GIGYF1: variants seen among roughly 807,000 people sequenced by gnomAD.
GIGYF1 encodes the protein GRB10-interacting GYF protein 1.
In GIGYF1, 84 loss-of-function variants were observed where a neutral mutation model predicts 147.1. That is an observed-to-expected ratio of 0.57 (90% confidence interval 0.48 to 0.68). The LOEUF (loss-of-function observed/expected upper bound fraction) is 0.68, where lower values mean the gene tolerates loss of function less well. GIGYF1 is among the 30% of genes least tolerant of loss of function. GIGYF1 has a pLI of 0.00. For missense variants in GIGYF1, 1,485 were observed against 1,393.7 expected (o/e 1.07, Z -1.04); for synonymous variants, 752 against 589.5 (o/e 1.28, Z -3.99).
At position 100,686,048 on chromosome 7, in the gene GIGYF1, T is replaced by C. The variant is rs1459464298; in HGVS notation, c.980A>G (p.Gln327Arg). 1 of 1,611,226 alleles carries C rather than the reference T, an allele frequency of 6.2e-7. No individual in the cohort carries two copies. The highest frequency in any genetic ancestry group is 8.5e-7 in the Non-Finnish European group (1 of 1,179,514). The change falls in exon 12 of 27, where the codon CAG becomes CGG. Residue 327 changes from glutamine (Q) to arginine (R), a missense_variant. Physicochemically the swap from Gln to Arg is conservative, Grantham distance 43. Coordinates refer to ENST00000678049, the MANE Select transcript of GIGYF1 (RefSeq NM_001375765.1). ...CTCCAACCCTTGGAAGTCCAGCTCC[T>C]GCTCCTCAGGAATGGGCTCCTTGGG... ...KGPKEPIPEE[Q>R]ELDFQGLEEE...
Position 100,683,238 on chromosome 7 carries a change from G to T in GIGYF1, c.2194-8C>A. On this transcript the variant is annotated splice_region_variant and splice_polypyrimidine_tract_variant and intron_variant, in intron 21 of 26. Coordinates refer to ENST00000678049, the MANE Select transcript of GIGYF1 (RefSeq NM_001375765.1). ...TAGCTCCTGCTGCCGCACCTAAGAG[G>T]GGGACATGGTGAGGGGACCTGGCGA... The T allele has an allele frequency of 6.2e-7, 1 of 1,612,724 alleles. No homozygotes were observed.
Position 100,683,102 on chromosome 7 carries a change from G to A in GIGYF1, c.2322C>T (p.Leu774=). The A allele has an allele frequency of 1.3e-6, 2 of 1,591,790 alleles. No individual in the cohort carries two copies. The highest frequency in any genetic ancestry group is 1.3e-5 in the African/African-American group (1 of 74,846). Residue 774 remains leucine (L), a synonymous_variant, in exon 22 of 27, where the codon CTC becomes CTT. Transcript: ENST00000678049. ...GCTCGCCCTCCAGCTGCAACTCCAG[G>A]AGCGTCTTCATGGACAGCCCCTGCT... ...LAKQGLSMKT[L]LELQLEGERQ...
intron 6 of GIGYF1, 52 bp downstream of exon 6, chr7:100,687,736 C>T (rs955260842): frequency 4.4e-6 from 7 of 1,585,726 alleles, no homozygotes; most frequent in Non-Finnish European, 6.0e-6. Flanking sequence ...TAACCCAACC[C>T]ATGGCCTCCC....
In GIGYF1 at chr7:100,686,999, CTCG is replaced by C; in HGVS notation, c.523+4_523+6del. 6.2e-7 allele frequency: 1 copy of C among 1,614,002 alleles called. No homozygotes were observed. Reference sequence around the variant, plus strand: ...CGCCCCGGCCGCCGCCCTCAGCAGCCTCGTACCTCCATCCCGCCTTGCTGACTT... The same window carrying C: ...CGCCCCGGCCGCCGCCCTCAGCAGCCTACCTCCATCCCGCCTTGCTGACTT... On this transcript the variant is annotated splice_donor_5th_base_variant and intron_variant, in intron 9 of 26. Transcript: ENST00000678049.
rs768108488 is a variant in GIGYF1, at chr7:100,685,325, G to C, written c.1192+19C>G. ...ACAGCCCCAGCGCACCCGGGAGGTA[G>C]GCCATCCTCCCTTCCTACCTTCGGC... On this transcript the variant is annotated intron_variant, in intron 13 of 26. Transcript: ENST00000678049. 2.5e-6 allele frequency: 4 copies of C among 1,579,118 alleles called. No homozygotes were observed. The South Asian group carries it at 4.6e-5, about 18-fold the overall frequency.
chr7:100,688,006 A>G lies in GIGYF1; in HGVS notation c.140T>C (p.Leu47Pro). The G allele has an allele frequency of 6.2e-7, 1 of 1,613,228 alleles. No homozygotes were observed. The highest frequency in any genetic ancestry group is 8.5e-7 in the Non-Finnish European group (1 of 1,179,432). ...ADYRYGREEM[L>P]ALYVKENKVP... The stretch of plus-strand genomic sequence containing the variant: ...CTTGTTCTCCTTGACGTAGAGAGCC[A>G]GCATTTCCTCTCGCCCATAACGGTA... The change falls in exon 5 of 27, where the codon CTG (leucine) becomes CCG (proline). Residue 47 changes from leucine to proline, a missense_variant. Coordinates refer to ENST00000678049, the MANE Select transcript of GIGYF1 (RefSeq NM_001375765.1).
At position 100,683,275 on chromosome 7, in the gene GIGYF1, C is replaced by T. The variant is rs759808299; in HGVS notation, c.2193+29G>A. 5 of 1,613,502 alleles carry T rather than the reference C, an allele frequency of 3.1e-6. No individual in the cohort carries two copies. In the Admixed American group the frequency reaches 5.0e-5, roughly 16 times the overall value. ...AGGGGACCTGGCGAGGGTTGTCCAC[C>T]CAGCCAGCTGAGGCTTGGGAGCACC... On this transcript the variant is annotated intron_variant, in intron 21 of 26. Coordinates refer to ENST00000678049, the MANE Select transcript of GIGYF1 (RefSeq NM_001375765.1).
intron 1 of GIGYF1, among the ~76,000 whole-genome samples, chr7:100,691,290 A>G (rs973199663): frequency 2.6e-5 from 4 of 152,160 alleles, no homozygotes; most frequent in Non-Finnish European, 5.9e-5. Context: ...GACTCCAGAT[A>G]CCAAGTGCGC....
At chr7:100,693,796 G>A (rs1467754328) in intron 1 of GIGYF1, 1 of 151,818 alleles carries the variant, frequency 6.6e-6, no homozygotes, top group Non-Finnish European at 1.5e-5. Flanking sequence ...TCAGGGAGGG[G>A]CGCCAGGTGC....
In GIGYF1 at chr7:100,688,892, G is replaced by C. The variant is rs1045058973; in HGVS notation, c.-435C>G. ...GGAGGTGTAGTGAAGAACTCGGGGA[G>C]GGAGGCAGCCGAGGCCAGGATGGAC... On this transcript the variant is annotated 5_prime_UTR_variant, in exon 2 of 27. Coordinates refer to ENST00000678049, the MANE Select transcript of GIGYF1 (RefSeq NM_001375765.1). 1 of 158,968 alleles carries C rather than the reference G, an allele frequency of 6.3e-6. No individual in the cohort carries two copies. Among genetic ancestry groups the C allele is most frequent in the South Asian group, 1.6e-4 (1 of 6,094 alleles). 9.8% of individuals were successfully genotyped at this position (158,968 alleles called of 1,614,324 possible).
rs1301727424 is a variant in GIGYF1 at position 100,688,786 on chromosome 7, C to T, written c.-329G>A. ...CTCTGCCGGCAGCCCTGCCCTGCCC[C>T]GCATGACAGGAGAGGTCCATTCGCC... On this transcript the variant is annotated 5_prime_UTR_variant, in exon 2 of 27. Coordinates refer to ENST00000678049, the MANE Select transcript of GIGYF1 (RefSeq NM_001375765.1). The T allele has an allele frequency of 1.5e-5, 4 of 262,016 alleles. No individual in the cohort carries two copies. The East Asian group carries it at 3.0e-4, about 19-fold the overall frequency. The allele number at this position is 262,016 out of a possible 1,614,324, so 16.2% of individuals were successfully genotyped here.
At position 100,687,348 on chromosome 7, in the gene GIGYF1, G is replaced by A. The variant is rs146186841; in HGVS notation, c.432C>T (p.Ala144=). ...YQRSIEEGDG[A]FGRSPREIQR... ...GGATTTCCCGGGGGCTTCGTCCAAA[G>A]GCCCCATCGCCTTCTTCGATGCTTC... The change falls in exon 8 of 27, where the codon GCC becomes GCT. Residue 144 remains alanine, a synonymous_variant. Transcript: ENST00000678049. 8.3e-5 allele frequency: 134 copies of A among 1,613,212 alleles called. No individual in the cohort carries two copies. Among genetic ancestry groups the A allele is most frequent in the East Asian group, 2.2e-5 (1 of 44,840 alleles).
rs191913550 is a variant in GIGYF1, at chr7:100,685,268, C to G, written c.1192+76G>C. 3.5e-5 allele frequency: 54 copies of G among 1,533,894 alleles called. No homozygotes were observed. The Middle Eastern group carries it at 5.3e-4, about 15-fold the overall frequency. On this transcript the variant is annotated intron_variant, in intron 13 of 26. Transcript: ENST00000678049. ...CTCCTCAATGTGAATGCCCTGTGTG[C>G]CCACCCCCACGAGTGGGGAGCACTT...
At chr7:100,683,988 C>T in intron 18 of GIGYF1, 32 bp downstream of exon 18, 2 of 1,591,084 alleles carry the variant, frequency 1.3e-6, no homozygotes, top group African/African-American at 1.3e-5. Flanking sequence ...CCCCCCCACC[C>T]TGTATCCTGA....
intron 6 of GIGYF1, 80 bp downstream of exon 6, chr7:100,687,708 C>CTGGCGGAGGAGA (rs1262334725): frequency 1.3e-6 from 2 of 1,505,322 alleles, no homozygotes; most frequent in Non-Finnish European, 1.8e-6. Flanking sequence ...GTCTCCTCAG[C>CTGGCGGAGGAGA]GCTGGCCCCT....
At chr7:100,687,211 T>A (rs1355569795) in intron 8 of GIGYF1, 87 bp downstream of exon 8, 5 of 1,462,032 alleles carry the variant, frequency 3.4e-6, no homozygotes, top group Non-Finnish European at 4.8e-6. Flanking sequence ...GCTTATCTGG[T>A]GGGCCTCTGT....
rs1172433757 is a variant in GIGYF1 at position 100,686,690 on chromosome 7, C to T, written c.653G>A (p.Gly218Glu). The T allele has an allele frequency of 2.5e-6, 4 of 1,613,180 alleles. No individual in the cohort carries two copies. Among genetic ancestry groups the T allele is most frequent in the East Asian group, 2.2e-5 (1 of 44,858 alleles). The stretch of plus-strand genomic sequence containing the variant: ...CCAGCGGTCGCCGTCTCGCCGGGGC[C>T]CTGCTCCGAGCCTCCAGCTGCCCTC... ...EEEGSWRLGA[G>E]PRRDGDRWRS... Residue 218 changes from glycine (G) to glutamate (E), a missense_variant, in exon 10 of 27, where the codon GGG becomes GAG. Physicochemically the swap from Gly to Glu is moderately conservative, Grantham distance 98 (BLOSUM62 -2). Coordinates refer to ENST00000678049, the MANE Select transcript of GIGYF1 (RefSeq NM_001375765.1).
chr7:100,686,330 C>G lies in GIGYF1; in HGVS notation c.798G>C (p.Gly266=), dbSNP rs769507990. The part of the protein sequence containing the change: ...GDRGGCGEEE[G]RGGGGSSHLR... Reference sequence around the variant, plus strand: ...GGTGAGAGCTGCCTCCCCCTCCCCGCCCCTCCTCTTCACCACACCCTCCTC... The same window carrying G: ...GGTGAGAGCTGCCTCCCCCTCCCCGGCCCTCCTCTTCACCACACCCTCCTC... Residue 266 remains glycine (G), a synonymous_variant, in exon 11 of 27, where the codon GGG becomes GGC. Transcript: ENST00000678049. 3.2e-5 allele frequency: 51 copies of G among 1,613,660 alleles called. No homozygotes were observed. The South Asian group carries it at 3.5e-4, about 11-fold the overall frequency.
At chr7:100,691,175 G>A (rs959530109) in intron 1 of GIGYF1, among the ~76,000 whole-genome samples, 5 of 152,190 alleles carry the variant, frequency 3.3e-5, no homozygotes, top group African/African-American at 1.2e-4. Flanking sequence ...CTGGACTGGG[G>A]GCACCTCTGC....
Sources: gnomAD v4.1 joint callset for allele counts (sites outside exome capture counted in the v4.1 genomes callset) on GRCh38, gnomAD v4.1.1 for gene constraint, MANE v1.5 for transcripts, NCBI Gene and HGNC (gene_info 2026-07-23, HGNC 2026-07-21) for gene names.